Variants in RTTN observed in about 807,000 individuals in gnomAD.
The protein encoded by RTTN is rotatin.
A neutral mutation model predicts 269.2 loss-of-function variants in RTTN; 182 were observed. The ratio of observed to expected loss-of-function variants is 0.68; its 90% confidence interval spans 0.60 to 0.76. The LOEUF (loss-of-function observed/expected upper bound fraction) is 0.76, where lower values mean the gene tolerates loss of function less well. RTTN is among the 30% of genes least tolerant of loss of function. The pLI is 0.00. For missense variants in RTTN, 2,545 were observed against 2,608.6 expected, an observed-to-expected ratio of 0.98 and a Z score of 0.53; for synonymous variants, 1,006 against 963.5, an observed-to-expected ratio of 1.04 and a Z score of -0.82.
In RTTN at chr18:70,040,227, G is replaced by A. The variant is rs147320269; in HGVS notation, c.5541+7744C>T. On this transcript the variant is annotated intron_variant, in intron 40 of 48. Transcript: ENST00000640769. ...ATGCCCACTTATCTGTTGCCTACAAGAAACATATTTCACCAATAAAAATAT... is the reference window on the plus strand; with the variant it reads ...ATGCCCACTTATCTGTTGCCTACAAAAAACATATTTCACCAATAAAAATAT... Among the ~76,000 whole-genome samples, 408 of 151,124 alleles carry A rather than the reference G, an allele frequency of 2.7e-3. 1 individual carries two copies. Among genetic ancestry groups the A allele is most frequent in the Non-Finnish European group, 4.6e-3 (312 of 67,774 alleles).
At chr18:70,156,249 T>C (rs1326244684) in intron 14 of RTTN, among the ~76,000 whole-genome samples, 1 of 152,166 alleles carries the variant, frequency 6.6e-6, no homozygotes, top group African/African-American at 2.4e-5. Context: ...GAATGTGCCC[T>C]TGAAGGTGGG....
At chr18:70,086,542 C>T (rs2058702258) in intron 32 of RTTN, 71 bp downstream of exon 32, 1 of 1,162,422 alleles carries the variant, frequency 8.6e-7, no homozygotes, top group Non-Finnish European at 1.3e-6. Flanking sequence ...AAATATACTA[C>T]TTATACTGAA....
chr18:70,078,128 A>T (rs190638513), intron 32 of RTTN, among the ~76,000 whole-genome samples: 11 of 152,050 alleles, frequency 7.2e-5, no homozygotes, highest in Non-Finnish European at 1.6e-4. Context: ...ATAATAAAAA[A>T]ATTCTAAACA....
At chr18:70,109,766 C>T (rs757297398) in intron 27 of RTTN, 49 bp from the exon 28 acceptor site, 4 of 1,431,798 alleles carry the variant, frequency 2.8e-6, no homozygotes, top group African/African-American at 2.8e-5. Context: ...GTATAATGGG[C>T]TTAATGGGCT....
intron 11 of RTTN, among the ~76,000 whole-genome samples, chr18:70,170,580 G>A (rs1408173653): frequency 6.6e-6 from 1 of 152,198 alleles, no homozygotes; most frequent in Non-Finnish European, 1.5e-5. Context: ...CTATTATTTG[G>A]TAGCAAGAAA....
Position 70,169,021 on chromosome 18 carries a change from A to G in RTTN, c.1523T>C (p.Leu508Pro), listed in dbSNP as rs1451947612. 6.2e-7 allele frequency: 1 copy of G among 1,612,758 alleles called. No individual in the cohort carries two copies. The highest frequency in any genetic ancestry group is 1.3e-5 in the African/African-American group (1 of 75,020). The change falls in exon 12 of 49, where the codon CTT (leucine) becomes CCT (proline). Residue 508 changes from leucine (L) to proline (P), a missense_variant. Physicochemically the swap from Leu to Pro is moderately conservative, Grantham distance 98. Transcript: ENST00000640769. ...SEPMSTALFL[L>P]SLDMPISLEY... ...CAAAGAAATAGGCATGTCCAAAGAA[A>G]GGAGAAATAATGCTGTTGACATAGG...
chr18:70,086,510 G>C (rs1599458510), intron 32 of RTTN, 103 bp downstream of exon 32: 1 of 949,224 alleles, frequency 1.1e-6, no homozygotes, highest in Non-Finnish European at 1.7e-6. Flanking sequence ...TTGCTGTCTT[G>C]TATATAGTTT....
chr18:70,030,550 T>G (rs2056983321), intron 41 of RTTN, among the ~76,000 whole-genome samples: 1 of 152,220 alleles, frequency 6.6e-6, no homozygotes, highest in Admixed American at 6.5e-5. Context: ...TGTTCAGGTA[T>G]GCAGTGAGTG....
chr18:70,037,299 T>A (rs2057203988), intron 40 of RTTN, among the ~76,000 whole-genome samples: 1 of 152,222 alleles, frequency 6.6e-6, no homozygotes, highest in Non-Finnish European at 1.5e-5. Flanking sequence ...CCAGGGCAGC[T>A]AAGGGAGGCC....
intron 28 of RTTN, among the ~76,000 whole-genome samples, chr18:70,093,837 C>T (rs908520334): frequency 4.1e-4 from 62 of 151,364 alleles, no homozygotes; most frequent in African/African-American, 1.5e-3. Context: ...CGGAGGATTC[C>T]CTCTTTTCTA....
chr18:70,024,653 C>T (rs2056801834), intron 44 of RTTN, 69 bp downstream of exon 44: 2 of 1,398,964 alleles, frequency 1.4e-6, no homozygotes, highest in Non-Finnish European at 2.0e-6. Flanking sequence ...TTTTTCCAGT[C>T]CACCTTAACA....
intron 32 of RTTN, among the ~76,000 whole-genome samples, chr18:70,084,978 T>C (rs2058665763): frequency 6.6e-6 from 1 of 152,204 alleles, no homozygotes; most frequent in South Asian, 2.1e-4. Context: ...CGGTTCTGTA[T>C]TACAACATAA....
chr18:70,129,775 G>A (rs2059952746), intron 23 of RTTN: 3 of 151,926 alleles, frequency 2.0e-5, no homozygotes, highest in Non-Finnish European at 2.9e-5. Context: ...ATAAGTAAAT[G>A]GGATCATATC....
chr18:70,193,229 A>C (rs1167446374), intron 8 of RTTN, 59 bp downstream of exon 8: 15 of 1,442,938 alleles, frequency 1.0e-5, no homozygotes, highest in Non-Finnish European at 1.4e-5. Flanking sequence ...TTCTGAAATT[A>C]ACACACACAC....
intron 8 of RTTN, among the ~76,000 whole-genome samples, chr18:70,192,578 G>A (rs1039897031): frequency 6.6e-6 from 1 of 151,128 alleles, no homozygotes; most frequent in East Asian, 2.0e-4. Flanking sequence ...CCACTCAGGA[G>A]GCTGAGGCGA....
chr18:70,116,606 G>A (rs1054082073), intron 26 of RTTN, among the ~76,000 whole-genome samples: 18 of 152,014 alleles, frequency 1.2e-4, no homozygotes, highest in African/African-American at 4.1e-4. Flanking sequence ...GTCTTTAGAC[G>A]TTAGGATTCA....
intron 35 of RTTN, among the ~76,000 whole-genome samples, chr18:70,062,622 TTTTTTC>T (rs1312181491): frequency 2.1e-4 from 8 of 38,892 alleles, no homozygotes; most frequent in South Asian, 1.6e-3. Context: ...TTTTTTTTTT[TTTTTTC>T]GTTTTTGGAG....
chr18:70,029,783 G>A (rs2056959809), intron 42 of RTTN, among the ~76,000 whole-genome samples: 1 of 152,080 alleles, frequency 6.6e-6, no homozygotes, highest in Non-Finnish European at 1.5e-5. Context: ...TATTTCCAAT[G>A]TTTATAATAA....
At chr18:70,072,748 C>T (rs2145043817) in intron 34 of RTTN, among the ~76,000 whole-genome samples, 1 of 152,216 alleles carries the variant, frequency 6.6e-6, no homozygotes, top group East Asian at 1.9e-4. Flanking sequence ...ACAAAATTTA[C>T]TTTTAAGCAC....
Sources: gnomAD v4.1 joint callset for allele counts (sites outside exome capture counted in the v4.1 genomes callset) on GRCh38, gnomAD v4.1.1 for gene constraint, MANE v1.5 for transcripts, NCBI Gene and HGNC (gene_info 2026-07-23, HGNC 2026-07-21) for gene names.